Variants in ITGB4 observed in about 807,000 individuals in gnomAD.
The protein encoded by ITGB4 is integrin beta-4.
Under a neutral mutation model 207.6 loss-of-function variants are expected in ITGB4, and 159 were observed. The ratio of observed to expected loss-of-function variants is 0.77; its 90% CI spans 0.67 to 0.87. The LOEUF is 0.87. ITGB4 is among the 40% of genes least tolerant of loss of function. The pLI is 0.00. For synonymous variants in ITGB4, 1,020 were observed against 1,062.7 expected (o/e 0.96, Z 0.78); for missense variants, 2,278 against 2,546.8 (o/e 0.89, Z 2.27).
Position 75,742,668 on chromosome 17 carries a change from G to A in ITGB4, c.2869G>A (p.Glu957Lys), listed in dbSNP as rs781683063. The A allele has an allele frequency of 9.3e-6, 15 of 1,613,930 alleles. No homozygotes were observed. The African/African-American group carries it at 9.3e-5, about 10-fold the overall frequency. The stretch of plus-strand genomic sequence containing the variant: ...CTTTATCCGGCCTGAGGATGACGAC[G>A]AGAAGCAGCTGCTGGTGGAGGCCAT... ...PLFIRPEDDD[E>K]KQLLVEAIDV... The change falls in exon 25 of 40, where the codon GAG (glutamate) becomes AAG (lysine). Residue 957 changes from glutamate to lysine, a missense_variant. Transcript: ENST00000200181. The surrounding 1 kb of genome is among the most constrained non-coding windows in gnomAD (Gnocchi z 5.9).
intron 32 of ITGB4, among the ~76,000 whole-genome samples, chr17:75,753,066 G>A (rs2061404625): frequency 6.6e-6 from 1 of 152,254 alleles, no homozygotes; most frequent in South Asian, 2.1e-4. Context: ...GGCTCCACCT[G>A]TGGGACATCA....
Position 75,727,192 on chromosome 17 carries a change from C to T in ITGB4, c.80-3C>T, listed in dbSNP as rs2060736638. ...ATTCATGTGCCCACATCTGTCCCCC[C>T]AGCAAACCGCTGCAAGAAGGCCCCA... is the stretch of plus-strand genomic sequence containing the variant. On this transcript the variant is annotated splice_region_variant and splice_polypyrimidine_tract_variant and intron_variant, in intron 2 of 39. Transcript: ENST00000200181. The surrounding 1 kb of genome is among the most constrained non-coding windows in gnomAD (Gnocchi z 6.0). The T allele has an allele frequency of 4.3e-6, 7 of 1,613,736 alleles. No homozygotes were observed. The highest frequency in any genetic ancestry group is 5.1e-6 in the Non-Finnish European group (6 of 1,179,860).
Position 75,752,478 on chromosome 17 carries a change from G to A in ITGB4, c.4009G>A (p.Ala1337Thr), listed in dbSNP as rs187296783. 38 of 1,613,644 alleles carry A rather than the reference G, an allele frequency of 2.4e-5. 1 individual carries two copies. The Admixed American group carries it at 3.8e-4, about 16-fold the overall frequency. ...PIIPDIPIVD[A>T]QSGEDYDSFL... ...CATCCCTGACATCCCTATCGTGGAC[G>A]CCCAGAGCGGGGAGGACTACGACAG... The change falls in exon 32 of 40, where the codon GCC becomes ACC. Residue 1337 changes from alanine to threonine, a missense_variant. Transcript: ENST00000200181.
chr17:75,744,683 C>A (rs2061195680), intron 26 of ITGB4, among the ~76,000 whole-genome samples: 2 of 152,254 alleles, frequency 1.3e-5, no homozygotes, highest in Non-Finnish European at 2.9e-5. Context: ...CCAGCATCAC[C>A]TTCACTGCTG....
intron 16 of ITGB4, 30 bp downstream of exon 16, chr17:75,736,724 C>T (rs1236341853): frequency 1.9e-6 from 3 of 1,582,194 alleles, no homozygotes; most frequent in Non-Finnish European, 2.6e-6. Flanking sequence ...GTTGGGGTTG[C>T]TGAGAGCCTA....
In ITGB4 at chr17:75,740,943, AGG is replaced by A; in HGVS notation, c.2610-37_2610-36del. 1 of 1,613,956 alleles carries A rather than the reference AGG, an allele frequency of 6.2e-7. No homozygotes were observed. The highest frequency in any genetic ancestry group is 8.5e-7 in the Non-Finnish European group (1 of 1,179,982). On this transcript the variant is annotated intron_variant, in intron 22 of 39. Transcript: ENST00000200181. The surrounding 1 kb of genome is among the most constrained non-coding windows in gnomAD (Gnocchi z 5.9). ...CCCAGGCCGATCAGGCCTCCACTTC[AGG>A]GCTATCTAGCTCACAGCGCCCTCTT...
At chr17:75,748,076 T>C (rs2061272326) in intron 26 of ITGB4, among the ~76,000 whole-genome samples, 1 of 151,070 alleles carries the variant, frequency 6.6e-6, no homozygotes, top group Non-Finnish European at 1.5e-5. Flanking sequence ...TCCACGGCAC[T>C]GAAAGGAAGA....
Position 75,737,404 on chromosome 17 carries a change from C to T in ITGB4, c.2073C>T (p.Ala691=), listed in dbSNP as rs112985528. 3.2e-6 allele frequency: 5 copies of T among 1,562,736 alleles called. No individual in the cohort carries two copies. The African/African-American group carries it at 4.1e-5, about 13-fold the overall frequency. The part of the protein sequence containing the change: ...TYSYTMEGDG[A]PGPNSTVLVH... The stretch of plus-strand genomic sequence containing the variant: ...GCTACACCATGGAAGGTGACGGCGC[C>T]CCTGGGCCCAACAGCACTGTCCTGG... Residue 691 remains alanine (A), a synonymous_variant, in exon 17 of 40, where the codon GCC becomes GCT. Transcript: ENST00000200181.
intron 34 of ITGB4, 184 bp downstream of exon 34, chr17:75,754,999 TAC>T: frequency 6.4e-7 from 1 of 1,565,558 alleles, no homozygotes; most frequent in Non-Finnish European, 8.7e-7. Flanking sequence ...TGCGCACACG[TAC>T]ACACATGCAT....
At position 75,727,420 on chromosome 17, in the gene ITGB4, G is replaced by T; in HGVS notation, c.179G>T (p.Arg60Leu). The change falls in exon 4 of 40, where the codon CGC becomes CTC. Residue 60 changes from arginine (R) to leucine (L), a missense_variant. Transcript: ENST00000200181. This position sits in a 1 kb window ranked among gnomAD's most constrained non-coding sequence, Gnocchi z 6.0. The stretch of plus-strand genomic sequence containing the variant: ...TCTGGCCAGATGTTCAGGGACCGGC[G>T]CTGCAACACCCAGGCGGAGCTGCTG... ...YCTDEMFRDR[R>L]CNTQAELLAA... 6.2e-7 allele frequency: 1 copy of T among 1,614,028 alleles called. No individual in the cohort carries two copies. The highest frequency in any genetic ancestry group is 8.5e-7 in the Non-Finnish European group (1 of 1,180,012).
intron 16 of ITGB4, 111 bp downstream of exon 16, chr17:75,736,805 A>G (rs954768131): frequency 3.3e-6 from 4 of 1,198,316 alleles, no homozygotes; most frequent in Non-Finnish European, 4.8e-6. Context: ...CTAAGGTCAC[A>G]CAGTCCGGAC....
At chr17:75,745,574 A>T (rs75513530) in intron 26 of ITGB4, among the ~76,000 whole-genome samples, 13,906 of 151,836 alleles carry the variant, frequency 0.092, 667 homozygotes, top group Non-Finnish European at 0.099. Flanking sequence ...TCTCTATTTT[A>T]AAAAAATAAT....
chr17:75,738,267 T>C (rs1042154904), intron 18 of ITGB4, among the ~76,000 whole-genome samples: 8 of 137,284 alleles, frequency 5.8e-5, no homozygotes, highest in African/African-American at 1.9e-4. Context: ...ATGACACCCA[T>C]GAGCTCTTAG....
chr17:75,756,343 C>A, intron 35 of ITGB4, 86 bp from the exon 36 acceptor site: 1 of 1,488,078 alleles, frequency 6.7e-7, no homozygotes, highest in South Asian at 1.1e-5. Context: ...ATAACTAGGT[C>A]TCGATGGCAG....
chr17:75,729,292 C>G lies in ITGB4; in HGVS notation c.594C>G (p.Asp198Glu), dbSNP rs1568346095. 1.2e-6 allele frequency: 2 copies of G among 1,613,708 alleles called. No homozygotes were observed. The highest frequency in any genetic ancestry group is 3.3e-5 in the Admixed American group (2 of 59,984). Reference protein sequence around the residue: ...EKLKEPWPNSDPPFSFKNVIS... With the variant: ...EKLKEPWPNSEPPFSFKNVIS... The stretch of plus-strand genomic sequence containing the variant: ...TGAAGGAGCCCTGGCCCAACAGTGA[C>G]CCCCCCTTCTCCTTCAAGAACGTCA... The change falls in exon 7 of 40, where the codon GAC becomes GAG. Residue 198 changes from aspartate (D) to glutamate (E), a missense_variant. Asp to Glu is a conservative substitution (Grantham distance 45). Transcript: ENST00000200181. This position sits in a 1 kb window ranked among gnomAD's most constrained non-coding sequence, Gnocchi z 4.4.
Position 75,739,521 on chromosome 17 carries a change from T to C in ITGB4, c.2221-151T>C, listed in dbSNP as rs545352787. ...TCCCCCTCTATGCCCTTGTGTGCCA[T>C]GCTTACACCCTGCTACCACCTGGAT... On this transcript the variant is annotated intron_variant, in intron 18 of 39. Coordinates refer to ENST00000200181, the MANE Select transcript of ITGB4 (RefSeq NM_000213.5). The surrounding 1 kb of genome is among the most constrained non-coding windows in gnomAD (Gnocchi z 5.4). 5 of 884,110 alleles carry C rather than the reference T, an allele frequency of 5.7e-6. No individual in the cohort carries two copies. In the Admixed American group the frequency reaches 9.7e-5, roughly 17 times the overall value. 54.8% of individuals were successfully genotyped at this position (884,110 alleles called of 1,614,324 possible). A position where few individuals can be genotyped will look rare whatever the true frequency, so the allele number is the denominator to read the frequency against.
rs118050879 is a variant in ITGB4 at position 75,737,037 on chromosome 17, C to T, written c.1991-285C>T. 5.9e-3 allele frequency among the ~76,000 whole-genome samples: 905 copies of T among 152,234 alleles called. 2 individuals carry two copies. Among genetic ancestry groups the T allele is most frequent in the Non-Finnish European group, 1.0e-2 (678 of 68,002 alleles). On this transcript the variant is annotated intron_variant, in intron 16 of 39. Transcript: ENST00000200181. ...GTGGAGACACGCAGCCTCCCCTCCT[C>T]GAGATCAGATACGTTTTCTGGACCC...
In ITGB4 at chr17:75,756,508, C is replaced by T. The variant is rs369145421; in HGVS notation, c.4788C>T (p.Tyr1596=). 133 of 1,613,236 alleles carry T rather than the reference C, an allele frequency of 8.2e-5. No individual in the cohort carries two copies. The African/African-American group carries it at 8.8e-4, about 11-fold the overall frequency. ...AAGACCTCCTGCCCAACCACTCCTACGTGTTCCGCGTGCGGGCCCAGAGCC... is the reference window on the plus strand; with the variant it reads ...AAGACCTCCTGCCCAACCACTCCTATGTGTTCCGCGTGCGGGCCCAGAGCC... ...VVEDLLPNHS[Y]VFRVRAQSQE... Residue 1596 remains tyrosine (Y), a synonymous_variant, in exon 36 of 40, where the codon TAC becomes TAT. Coordinates refer to ENST00000200181, the MANE Select transcript of ITGB4 (RefSeq NM_000213.5).
intron 18 of ITGB4, 65 bp downstream of exon 18, chr17:75,737,709 C>A: frequency 1.5e-6 from 2 of 1,362,106 alleles, no homozygotes; most frequent in South Asian, 1.2e-5. Context: ...AGGGCCCCCA[C>A]CCTCCACCAG....
Sources: gnomAD v4.1 joint callset for allele counts (sites outside exome capture counted in the v4.1 genomes callset) on GRCh38, gnomAD v4.1.1 for gene constraint, Gnocchi (gnomAD v3.1) non-coding constraint, MANE v1.5 for transcripts, NCBI Gene and HGNC (gene_info 2026-07-23, HGNC 2026-07-21) for gene names.